Variants in MOB3B observed in about 807,000 individuals in gnomAD.
MOB3B encodes MOB kinase activator 3B.
MOB3B carries 7 observed loss-of-function variants against 18.7 expected under a neutral mutation model. The ratio of observed to expected loss-of-function variants is 0.37; its 90% confidence interval spans 0.21 to 0.70. MOB3B has a LOEUF of 0.70. Ranked by LOEUF, MOB3B falls within the 30% of genes least tolerant of loss-of-function variation. MOB3B has a pLI of 0.52. For synonymous variants in MOB3B, 111 were observed against 99.9 expected (o/e 1.11, Z -0.66); for missense variants, 253 against 281.3 (o/e 0.90, Z 0.72).
At chr9:27,442,214 C>T (rs1220576468) in intron 2 of MOB3B, among the ~76,000 whole-genome samples, 2 of 152,094 alleles carry the variant, frequency 1.3e-5, no homozygotes, top group African/African-American at 4.8e-5. Context: ...GACCCACATA[C>T]ACAAAAGATC....
intron 2 of MOB3B, among the ~76,000 whole-genome samples, chr9:27,390,441 A>G (rs571731118): frequency 6.6e-6 from 1 of 152,180 alleles, no homozygotes; most frequent in East Asian, 1.9e-4. Context: ...GCCTCAAGTG[A>G]TCCTCCCCAC....
intron 1 of MOB3B, among the ~76,000 whole-genome samples, chr9:27,486,515 A>G (rs1472090978): frequency 6.6e-6 from 1 of 152,222 alleles, no homozygotes; most frequent in Non-Finnish European, 1.5e-5. Context: ...AAATGAACAG[A>G]CGCATAAGTG....
chr9:27,520,033 C>A (rs1246841610), intron 1 of MOB3B, among the ~76,000 whole-genome samples: 1 of 152,088 alleles, frequency 6.6e-6, no homozygotes, highest in Non-Finnish European at 1.5e-5. Flanking sequence ...CGCCTAATGA[C>A]CCTACAAATG....
intron 2 of MOB3B, among the ~76,000 whole-genome samples, chr9:27,451,276 T>C (rs1822778416): frequency 6.6e-6 from 1 of 152,202 alleles, no homozygotes; most frequent in Admixed American, 6.5e-5. Flanking sequence ...AGAAATATAA[T>C]TGAAAAGGAG....
intron 1 of MOB3B, among the ~76,000 whole-genome samples, chr9:27,512,369 C>A (rs1401258369): frequency 6.6e-6 from 1 of 152,056 alleles, no homozygotes; most frequent in East Asian, 1.9e-4. Context: ...TACTGTGTGC[C>A]AAGTCCGAGA....
chr9:27,342,486 G>A (rs1820959429), intron 3 of MOB3B, among the ~76,000 whole-genome samples: 1 of 148,222 alleles, frequency 6.7e-6, no homozygotes, highest in Non-Finnish European at 1.5e-5. Context: ...CCTCTCCCCG[G>A]TCTCCCTCTG....
At chr9:27,343,202 T>C (rs1299961189) in intron 3 of MOB3B, among the ~76,000 whole-genome samples, 2 of 151,610 alleles carry the variant, frequency 1.3e-5, no homozygotes, top group East Asian at 3.9e-4. Context: ...CTGAAACATG[T>C]GCTGTGTCCA....
intron 1 of MOB3B, among the ~76,000 whole-genome samples, chr9:27,487,017 G>C (rs752739383): frequency 2.0e-5 from 3 of 152,038 alleles, no homozygotes; most frequent in Non-Finnish European, 4.4e-5. Flanking sequence ...TGTAATTCCA[G>C]CTACTCAGGA....
Position 27,418,454 on chromosome 9 carries a change from C to A in MOB3B, c.418+36679G>T, listed in dbSNP as rs756974125. Among the ~76,000 whole-genome samples, 4 of 151,944 alleles carry A rather than the reference C, an allele frequency of 2.6e-5. No homozygotes were observed. In the South Asian group the frequency reaches 6.2e-4, roughly 24 times the overall value. ...ATCCTTAAAAAAAATACTAGCTAAC[C>A]AAATCCAACAACATATCAAGAAGAT... On this transcript the variant is annotated intron_variant, in intron 2 of 3. Transcript: ENST00000262244.
intron 1 of MOB3B, among the ~76,000 whole-genome samples, chr9:27,462,687 A>G (rs1190201250): frequency 6.6e-6 from 1 of 152,204 alleles, no homozygotes; most frequent in Non-Finnish European, 1.5e-5. Context: ...CTTAAAGGAA[A>G]AAGGTTCAAA....
At chr9:27,507,706 C>T (rs1203780030) in intron 1 of MOB3B, among the ~76,000 whole-genome samples, 1 of 152,130 alleles carries the variant, frequency 6.6e-6, no homozygotes, top group Non-Finnish European at 1.5e-5. Context: ...GTGGCTAAGT[C>T]GAAAGAATCT....
intron 3 of MOB3B, among the ~76,000 whole-genome samples, chr9:27,340,327 C>T (rs1820920919): frequency 6.6e-6 from 1 of 152,218 alleles, no homozygotes; most frequent in Non-Finnish European, 1.5e-5. Flanking sequence ...AATCAAACTG[C>T]TCTTCTTTTT....
At chr9:27,465,993 C>G (rs1819377557) in intron 1 of MOB3B, among the ~76,000 whole-genome samples, 1 of 152,202 alleles carries the variant, frequency 6.6e-6, no homozygotes, top group African/African-American at 2.4e-5. Flanking sequence ...GACATTTTCC[C>G]CATGGTCTTA....
At position 27,325,471 on chromosome 9, in the gene MOB3B, A is replaced by G. The variant is rs147782374; in HGVS notation, c.*5116T>C. 2.2e-3 allele frequency: 340 copies of G among 152,358 alleles called. No individual in the cohort carries two copies. The highest frequency in any genetic ancestry group is 7.8e-3 in the African/African-American group (324 of 41,580). The allele number at this position is 152,358 out of a possible 1,614,324, so 9.4% of individuals were successfully genotyped here. ...AAAACAGGCGAATTATTTGATTAGA[A>G]ATGGACTCTTCCTTCATAAGTTACA... On this transcript the variant is annotated 3_prime_UTR_variant, in exon 4 of 4. Coordinates refer to ENST00000262244, the MANE Select transcript of MOB3B (RefSeq NM_024761.5).
intron 2 of MOB3B, among the ~76,000 whole-genome samples, chr9:27,370,532 A>C (rs1237577684): frequency 6.7e-6 from 1 of 150,228 alleles, no homozygotes. Flanking sequence ...AGAAAAAAAG[A>C]GGGTCCTTTT....
intron 1 of MOB3B, among the ~76,000 whole-genome samples, chr9:27,491,392 C>T (rs1031507666): frequency 1.1e-4 from 16 of 151,988 alleles, no homozygotes; most frequent in African/African-American, 2.7e-4. Flanking sequence ...GCACAGCCAC[C>T]GACAAGGAGA....
intron 3 of MOB3B, among the ~76,000 whole-genome samples, chr9:27,332,656 A>G (rs1433844521): frequency 6.6e-6 from 1 of 152,174 alleles, no homozygotes; most frequent in African/African-American, 2.4e-5. Flanking sequence ...CTCAACAGTA[A>G]CCGCTGCTTT....
chr9:27,468,935 T>G (rs1248069715), intron 1 of MOB3B, among the ~76,000 whole-genome samples: 1 of 152,196 alleles, frequency 6.6e-6, no homozygotes, highest in Non-Finnish European at 1.5e-5. Context: ...TTTTCTAGCA[T>G]TCAGTGAAAA....
intron 2 of MOB3B, among the ~76,000 whole-genome samples, chr9:27,404,419 G>A (rs370786981): frequency 3.0e-5 from 4 of 131,154 alleles, no homozygotes; most frequent in Admixed American, 8.7e-5. Flanking sequence ...GCAATGGTGC[G>A]ATCTCAGCTC....
Sources: gnomAD v4.1 joint callset for allele counts (sites outside exome capture counted in the v4.1 genomes callset) on GRCh38, gnomAD v4.1.1 for gene constraint, MANE v1.5 for transcripts, NCBI Gene and HGNC (gene_info 2026-07-23, HGNC 2026-07-21) for gene names.